Variants in TSPAN14 observed in about 807,000 individuals in gnomAD.
TSPAN14 encodes the protein tetraspanin 14, also known as tetraspanin-14.
A neutral mutation model predicts 36.6 loss-of-function variants in TSPAN14; 16 were observed. The observed-to-expected ratio is 0.44, with a 90% confidence interval of 0.30 to 0.66. The LOEUF (loss-of-function observed/expected upper bound fraction) is 0.66, where lower values mean the gene tolerates loss of function less well. TSPAN14 is among the 30% of genes least tolerant of loss of function. TSPAN14 has a pLI of 0.12. For synonymous variants in TSPAN14, 139 were observed against 143.8 expected, an observed-to-expected ratio of 0.97 and a Z score of 0.24; for missense variants, 231 against 355.1, an observed-to-expected ratio of 0.65 and a Z score of 2.81.
At chr10:80,492,680 G>T (rs1220806524) in intron 2 of TSPAN14, among the ~76,000 whole-genome samples, 1 of 152,126 alleles carries the variant, frequency 6.6e-6, no homozygotes, top group Non-Finnish European at 1.5e-5. Flanking sequence ...GCCGGGCGTG[G>T]TGGTGGGCAC....
At chr10:80,499,546 G>A (rs1848380345) in intron 2 of TSPAN14, among the ~76,000 whole-genome samples, 1 of 152,166 alleles carries the variant, frequency 6.6e-6, no homozygotes, top group African/African-American at 2.4e-5. Flanking sequence ...GCCCGTGTGT[G>A]GAAGGCAGCT....
intron 1 of TSPAN14, among the ~76,000 whole-genome samples, chr10:80,455,596 A>G (rs1437980364): frequency 6.6e-6 from 1 of 151,886 alleles, no homozygotes; most frequent in Admixed American, 6.5e-5. Context: ...ACCCTTCTCT[A>G]TTTGTGAAGG....
At chr10:80,519,668 G>A (rs571177929) in exon 9 of TSPAN14, 63 of 152,600 alleles carry the variant, frequency 4.1e-4, no homozygotes, top group African/African-American at 1.5e-3. Context: ...TCACTATTGA[G>A]ATATTGCTAA....
intron 1 of TSPAN14, among the ~76,000 whole-genome samples, chr10:80,464,592 C>T (rs1846143581): frequency 6.6e-6 from 1 of 152,160 alleles, no homozygotes; most frequent in Admixed American, 6.5e-5. Flanking sequence ...GGGTTTGAGG[C>T]TTGTGTCCCT....
intron 1 of TSPAN14, among the ~76,000 whole-genome samples, chr10:80,470,778 C>T (rs1012354774): frequency 1.3e-5 from 2 of 152,170 alleles, no homozygotes; most frequent in Admixed American, 1.3e-4. Flanking sequence ...TGGCTCCCAC[C>T]CCAATGGTGT....
At chr10:80,480,559 A>G (rs1025829755) in intron 1 of TSPAN14, among the ~76,000 whole-genome samples, 2 of 152,242 alleles carry the variant, frequency 1.3e-5, no homozygotes, top group African/African-American at 4.8e-5. Context: ...GACTGGATTA[A>G]GAAAATGTGG....
Position 80,509,239 on chromosome 10 carries a change from A to ATG in TSPAN14, c.280-55_280-54dup. On this transcript the variant is annotated intron_variant, in intron 4 of 8. Coordinates refer to ENST00000429989, the Ensembl canonical transcript of TSPAN14. This position sits in a 1 kb window ranked among gnomAD's most constrained non-coding sequence, Gnocchi z 4.7. ...TGGTGGTTCTGGGTCAGGTGGGGTT[A>ATG]TGTGTGTGGGGGTGCAGGCTGGTGG... 1 of 1,549,022 alleles carries ATG rather than the reference A, an allele frequency of 6.5e-7. No individual in the cohort carries two copies. Among genetic ancestry groups the ATG allele is most frequent in the Non-Finnish European group, 8.8e-7 (1 of 1,136,322 alleles).
At chr10:80,475,577 C>CAG (rs2131981773) in intron 1 of TSPAN14, among the ~76,000 whole-genome samples, 1 of 152,030 alleles carries the variant, frequency 6.6e-6, no homozygotes, top group East Asian at 1.9e-4. Context: ...CTTTTTCTGC[C>CAG]CCCTTTCCCC....
chr10:80,515,493 A>G (rs1156623048), intron 7 of TSPAN14: 1 of 152,286 alleles, frequency 6.6e-6, no homozygotes, highest in Non-Finnish European at 1.5e-5. Context: ...GCCTGTCTAC[A>G]AATACAGTCA....
intron 5 of TSPAN14, among the ~76,000 whole-genome samples, chr10:80,510,617 G>C (rs1002615818): frequency 6.6e-6 from 1 of 152,232 alleles, no homozygotes; most frequent in African/African-American, 2.4e-5. Flanking sequence ...ACTCACGCCT[G>C]TAATCCCAGC....
intron 1 of TSPAN14, among the ~76,000 whole-genome samples, chr10:80,477,788 A>C (rs555388521): frequency 2.0e-4 from 31 of 152,322 alleles, no homozygotes; most frequent in Admixed American, 5.9e-4. Flanking sequence ...CTTGGGAGTT[A>C]ATATAGAGAC....
Position 80,504,710 on chromosome 10 carries a change from T to C in TSPAN14, c.82-18T>C. On this transcript the variant is annotated intron_variant, in intron 2 of 8. Transcript: ENST00000429989. Reference sequence around the variant, plus strand: ...TTTCCAACCTAACTTCCTTCTCTCTTTCCTCTGCCCCGCTTAGTTGGCTGG... The same window carrying C: ...TTTCCAACCTAACTTCCTTCTCTCTCTCCTCTGCCCCGCTTAGTTGGCTGG... 5 of 1,614,078 alleles carry C rather than the reference T, an allele frequency of 3.1e-6. No individual in the cohort carries two copies. The highest frequency in any genetic ancestry group is 4.2e-6 in the Non-Finnish European group (5 of 1,179,950).
At position 80,504,048 on chromosome 10, in the gene TSPAN14, G is replaced by A. The variant is rs186362788; in HGVS notation, c.82-680G>A. 2.4e-4 allele frequency among the ~76,000 whole-genome samples: 37 copies of A among 152,306 alleles called. No individual in the cohort carries two copies. In the East Asian group the frequency reaches 6.9e-3, roughly 29 times the overall value. ...GTGGGAAGTTGGGGTTGGGGGTGGTGCTCCTCTGGGGCGAGCTCATTGCTT... is the reference window on the plus strand; with the variant it reads ...GTGGGAAGTTGGGGTTGGGGGTGGTACTCCTCTGGGGCGAGCTCATTGCTT... On this transcript the variant is annotated intron_variant, in intron 2 of 8. Coordinates refer to ENST00000429989, the Ensembl canonical transcript of TSPAN14.
At chr10:80,462,341 C>G (rs73305132) in intron 1 of TSPAN14, among the ~76,000 whole-genome samples, 22,665 of 97,876 alleles carry the variant, frequency 0.23, 2,453 homozygotes, top group African/African-American at 0.41. Context: ...TGGCCTAGGG[C>G]GTAGGAATGG....
chr10:80,489,155 G>T, intron 1 of TSPAN14, 62 bp from the exon 2 acceptor site: 1 of 1,119,882 alleles, frequency 8.9e-7, no homozygotes, highest in South Asian at 1.3e-5. Context: ...CATATGAGCT[G>T]GTTTGGGGGA....
chr10:80,505,176 G>T (rs555500288), intron 3 of TSPAN14, among the ~76,000 whole-genome samples: 2 of 152,360 alleles, frequency 1.3e-5, no homozygotes, highest in East Asian at 1.9e-4. Flanking sequence ...AGCAGGGAGC[G>T]GGGCTGGGTG....
chr10:80,483,429 C>T (rs968857876), intron 1 of TSPAN14, among the ~76,000 whole-genome samples: 2 of 152,214 alleles, frequency 1.3e-5, no homozygotes, highest in Non-Finnish European at 2.9e-5. Flanking sequence ...GTTCATGTTT[C>T]ACTTAATGTG....
rs551415288 is a variant in TSPAN14, at chr10:80,479,029, TC to T, written c.-17-10187del. Among the ~76,000 whole-genome samples the T allele has an allele frequency of 8.0e-3, 1,225 of 152,328 alleles. 9 individuals are homozygous for T. Among genetic ancestry groups the T allele is most frequent in the Non-Finnish European group, 0.014 (943 of 68,024 alleles). On this transcript the variant is annotated intron_variant, in intron 1 of 8. Coordinates refer to ENST00000429989, the Ensembl canonical transcript of TSPAN14. Reference sequence around the variant, plus strand: ...TCTCATTGTGGTTTTGATTTGCATTTCTCTGATGGCCAGTGATGGTGAGCAT... The same window carrying T: ...TCTCATTGTGGTTTTGATTTGCATTTTCTGATGGCCAGTGATGGTGAGCAT...
At chr10:80,492,726 G>A (rs888265289) in intron 2 of TSPAN14, among the ~76,000 whole-genome samples, 4 of 152,054 alleles carry the variant, frequency 2.6e-5, no homozygotes, top group Admixed American at 2.6e-4. Flanking sequence ...TGAGGCAGGA[G>A]AATGGCGTGA....
Sources: allele counts gnomAD v4.1 joint callset (sites outside exome capture counted in the v4.1 genomes callset), GRCh38; gene constraint gnomAD v4.1.1; non-coding constraint Gnocchi (gnomAD v3.1); transcripts MANE v1.5; gene names NCBI Gene and HGNC (gene_info 2026-07-23, HGNC 2026-07-21).